The following KIAA1755 variants were observed in gnomAD, a reference collection of about 807,000 sequenced individuals.
KIAA1755 encodes the protein KIAA1755.
A neutral mutation model predicts 91.7 loss-of-function variants in KIAA1755; 68 were observed. That is an observed-to-expected ratio of 0.74 (90% confidence interval 0.61 to 0.91). The LOEUF is 0.91. Ranked by LOEUF, KIAA1755 falls within the 40% of genes least tolerant of loss-of-function variation. The pLI, the probability that KIAA1755 is intolerant of heterozygous loss-of-function variation, is 0.00. For synonymous variants in KIAA1755, 610 were observed against 604.6 expected (o/e 1.01, Z -0.13); for missense variants, 1,535 against 1,494.4 (o/e 1.03, Z -0.45).
At chr20:38,246,216 G>A (rs6098696) in intron 1 of KIAA1755, 90 bp from the exon 2 acceptor site, 9 of 1,075,816 alleles carry the variant, frequency 8.4e-6, no homozygotes, top group Admixed American at 2.1e-5. Context: ...ATATGCCTAA[G>A]GCCCCTGCTA....
chr20:38,214,114 G>A (rs1285503355), intron 13 of KIAA1755, among the ~76,000 whole-genome samples: 1 of 152,094 alleles, frequency 6.6e-6, no homozygotes, highest in Non-Finnish European at 1.5e-5. Context: ...GCCATGCCCA[G>A]CTAATTTTTG....
At chr20:38,215,688 C>A (rs1215645499) in intron 13 of KIAA1755, among the ~76,000 whole-genome samples, 1 of 152,150 alleles carries the variant, frequency 6.6e-6, no homozygotes, top group Non-Finnish European at 1.5e-5. Context: ...GCAAAGACCT[C>A]AGAGTTGGAG....
intron 10 of KIAA1755, 64 bp from the exon 11 acceptor site, chr20:38,219,832 C>G: frequency 6.3e-7 from 1 of 1,580,532 alleles, no homozygotes; most frequent in South Asian, 1.1e-5. Flanking sequence ...GTACTTCTGT[C>G]CCGCATAGGC....
rs763627499 is a variant in KIAA1755, at chr20:38,223,533, C to T, written c.2268+5G>A. 4.5e-6 allele frequency: 7 copies of T among 1,572,326 alleles called. No individual in the cohort carries two copies. The African/African-American group carries it at 9.7e-5, about 22-fold the overall frequency. Reference sequence around the variant, plus strand: ...GCTTCCCCAGTCACCATGCTCCAGGCTCACCTGCATCCCCCCAGGGGGGTC... The same window carrying T: ...GCTTCCCCAGTCACCATGCTCCAGGTTCACCTGCATCCCCCCAGGGGGGTC... On this transcript the variant is annotated splice_donor_5th_base_variant and intron_variant, in intron 9 of 13. Coordinates refer to ENST00000279024, the MANE Select transcript of KIAA1755 (RefSeq NM_001029864.2).
chr20:38,222,013 C>G (rs1427870714), intron 10 of KIAA1755, among the ~76,000 whole-genome samples: 1 of 152,186 alleles, frequency 6.6e-6, no homozygotes, highest in Admixed American at 6.5e-5. Flanking sequence ...CCTTACCAGC[C>G]GCTGTCTAGC....
intron 1 of KIAA1755, among the ~76,000 whole-genome samples, chr20:38,258,890 T>C (rs2076386200): frequency 6.6e-6 from 1 of 152,190 alleles, no homozygotes; most frequent in Non-Finnish European, 1.5e-5. Context: ...GCCTGACCCT[T>C]GATCTGAGGA....
chr20:38,258,971 G>C (rs927502136), intron 1 of KIAA1755, among the ~76,000 whole-genome samples: 1 of 152,182 alleles, frequency 6.6e-6, no homozygotes, highest in Admixed American at 6.5e-5. Context: ...GCAAACACCA[G>C]GTGCACGCTG....
rs1183605523 is a variant in KIAA1755, at chr20:38,228,239, G to T, written c.1873C>A (p.Pro625Thr). 1 of 1,595,390 alleles carries T rather than the reference G, an allele frequency of 6.3e-7. No homozygotes were observed. The highest frequency in any genetic ancestry group is 8.5e-7 in the Non-Finnish European group (1 of 1,172,234). Residue 625 changes from proline (P) to threonine (T), a missense_variant and splice_region_variant, in exon 6 of 14, where the codon CCT becomes ACT. By Grantham distance (38) the Pro-to-Thr change is conservative. Transcript: ENST00000279024. Reference protein sequence around the residue: ...LLSYLCTIPRPEDKAKGLAVL... With the variant: ...LLSYLCTIPRTEDKAKGLAVL... ...GCCAGCCCCTTGGCTTTATCTTCAG[G>T]CCTGTGGGTGGTAAACAGAATTGAC...
Position 38,222,570 on chromosome 20 carries a change from T to G in KIAA1755, c.2296A>C (p.Lys766Gln). Reference protein sequence around the residue: ...QEATRCLSKSKELMEAVLRDP... With the variant: ...QEATRCLSKSQELMEAVLRDP... ...CTCAGCACAGCCTCCATCAGCTCCTTGGACTTGCTCAGGCACCTGGTAGCC... is the reference window on the plus strand; with the variant it reads ...CTCAGCACAGCCTCCATCAGCTCCTGGGACTTGCTCAGGCACCTGGTAGCC... Residue 766 changes from lysine (K) to glutamine (Q), a missense_variant, in exon 10 of 14, where the codon AAG becomes CAG. Physicochemically the swap from Lys to Gln is moderately conservative, Grantham distance 53. Transcript: ENST00000279024. 8 of 1,613,110 alleles carry G rather than the reference T, an allele frequency of 5.0e-6. No individual in the cohort carries two copies. The highest frequency in any genetic ancestry group is 6.8e-6 in the Non-Finnish European group (8 of 1,179,984).
At position 38,213,460 on chromosome 20, in the gene KIAA1755, G is replaced by C. The variant is rs764429575; in HGVS notation, c.3185C>G (p.Ala1062Gly). The change falls in exon 14 of 14, where the codon GCT (alanine) becomes GGT (glycine). Residue 1062 changes from alanine (A) to glycine (G), a missense_variant. Ala to Gly is a moderately conservative substitution (Grantham distance 60). Transcript: ENST00000279024. ...LTHSSCPEAPAAHSARPERRG... is the reference protein window; with the variant it reads ...LTHSSCPEAPGAHSARPERRG... ...TCGTTCTGGGCGCGCTGAGTGAGCA[G>C]CTGGAGCCTCTGGGCAAGAGCTGTG... is the stretch of plus-strand genomic sequence containing the variant. 1.2e-6 allele frequency: 2 copies of C among 1,604,930 alleles called. No homozygotes were observed. The highest frequency in any genetic ancestry group is 4.5e-5 in the East Asian group (2 of 44,614).
chr20:38,240,688 T>C lies in KIAA1755; in HGVS notation c.1443A>G (p.Gln481=), dbSNP rs1286909922. 1 of 1,555,936 alleles carries C rather than the reference T, an allele frequency of 6.4e-7. No homozygotes were observed. Among genetic ancestry groups the C allele is most frequent in the Non-Finnish European group, 8.7e-7 (1 of 1,152,556 alleles). ...AGGCTTTCTCCGGGGTCACAGAGGG[T>C]TGCCTCTGCCCTCTCAAGAATGAGA... ...LKFSFLRGQR[Q]PSVTPEKASL... is the part of the protein sequence containing the mutation. Residue 481 remains glutamine, a synonymous_variant, in exon 3 of 14, where the codon CAA becomes CAG. Coordinates refer to ENST00000279024, the MANE Select transcript of KIAA1755 (RefSeq NM_001029864.2).
At chr20:38,253,084 C>CTGTT (rs2076280365) in intron 1 of KIAA1755, among the ~76,000 whole-genome samples, 5 of 144,022 alleles carry the variant, frequency 3.5e-5, no homozygotes. Context: ...AGGAGCCAGG[C>CTGTT]TGTTCCCAGG....
intron 1 of KIAA1755, among the ~76,000 whole-genome samples, chr20:38,252,786 G>C (rs908149465): frequency 3.9e-5 from 6 of 152,166 alleles, no homozygotes; most frequent in African/African-American, 1.4e-4. Context: ...AGTATGTTCC[G>C]AGTTAACAGA....
chr20:38,258,435 A>AG (rs1435948720), intron 1 of KIAA1755, among the ~76,000 whole-genome samples: 1 of 152,230 alleles, frequency 6.6e-6, no homozygotes. Flanking sequence ...ATCAACCCTA[A>AG]GCCCCTTTGC....
intron 3 of KIAA1755, 107 bp downstream of exon 3, chr20:38,240,475 G>A: frequency 8.4e-7 from 1 of 1,191,852 alleles, no homozygotes; most frequent in African/African-American, 1.6e-5. Flanking sequence ...AACCCCTGAA[G>A]CTGAGCCAGC....
Position 38,241,244 on chromosome 20 carries a change from G to A in KIAA1755, c.887C>T (p.Thr296Ile), listed in dbSNP as rs772297057. Residue 296 changes from threonine to isoleucine, a missense_variant, in exon 3 of 14, where the codon ACA (threonine) becomes ATA (isoleucine). Coordinates refer to ENST00000279024, the MANE Select transcript of KIAA1755 (RefSeq NM_001029864.2). ...TGCCCCAGAAGTACACCCACTGGAT[G>A]TGCCTGCCTCCCTACTGGGAGACTC... is the stretch of plus-strand genomic sequence containing the variant. ...RGESPSREAG[T>I]SSGCTSGALE... 166 of 1,614,056 alleles carry A rather than the reference G, an allele frequency of 1.0e-4. No homozygotes were observed. Among genetic ancestry groups the A allele is most frequent in the Non-Finnish European group, 1.4e-4 (164 of 1,180,032 alleles).
chr20:38,259,875 T>C (rs371817778), intron 1 of KIAA1755, among the ~76,000 whole-genome samples: 15 of 148,524 alleles, frequency 1.0e-4, no homozygotes, highest in South Asian at 4.3e-4. Flanking sequence ...ATGTCTCAAC[T>C]TTTTTCAAGG....
At chr20:38,259,250 T>C (rs1172767086) in intron 1 of KIAA1755, among the ~76,000 whole-genome samples, 2 of 152,108 alleles carry the variant, frequency 1.3e-5, no homozygotes, top group Non-Finnish European at 2.9e-5. Context: ...CCAAGAGCCA[T>C]GTGTGTGTAC....
At chr20:38,214,650 G>A (rs1288438628) in intron 13 of KIAA1755, among the ~76,000 whole-genome samples, 5 of 152,124 alleles carry the variant, frequency 3.3e-5, no homozygotes, top group Non-Finnish European at 7.4e-5. Context: ...GGCCAGGCAG[G>A]GGTGTGCCCT....
Sources: allele counts gnomAD v4.1 joint callset (sites outside exome capture counted in the v4.1 genomes callset), GRCh38; gene constraint gnomAD v4.1.1; transcripts MANE v1.5; gene names NCBI Gene and HGNC (gene_info 2026-07-23, HGNC 2026-07-21).